Variants in TNFSF4 observed in about 807,000 individuals in gnomAD.
The protein encoded by TNFSF4 is tumor necrosis factor ligand superfamily member 4.
Under a neutral mutation model 7.3 loss-of-function variants are expected in TNFSF4, and 4 were observed. The observed-to-expected ratio is 0.55, with a 90% CI of 0.27 to 1.25. TNFSF4 has a LOEUF of 1.25. Among genes scored for constraint, TNFSF4 ranks in the 50% most tolerant of loss-of-function variants. TNFSF4 has a pLI of 0.12. For missense variants in TNFSF4, 181 were observed against 208.8 expected, an observed-to-expected ratio of 0.87 and a Z score of 0.82; for synonymous variants, 76 against 83.7, an observed-to-expected ratio of 0.91 and a Z score of 0.50.
At chr1:173,337,117 T>C in the TNFSF4 span, among the ~76,000 whole-genome samples, 1 of 152,156 alleles carries the variant, frequency 6.6e-6, no homozygotes, top group African/African-American at 2.4e-5. Context: ...CAGTGACAGA[T>C]AGGAATCCTG....
the TNFSF4 span, among the ~76,000 whole-genome samples, chr1:173,450,454 CAA>C: frequency 1.0e-3 from 155 of 151,922 alleles, no homozygotes; most frequent in Admixed American, 2.6e-3. Flanking sequence ...CCAATAAAAC[CAA>C]AGACATTACA....
At chr1:173,278,652 T>C in the TNFSF4 span, among the ~76,000 whole-genome samples, 1 of 152,088 alleles carries the variant, frequency 6.6e-6, no homozygotes, top group Non-Finnish European at 1.5e-5. Flanking sequence ...AGTGATTATA[T>C]AAACATAGAA....
the TNFSF4 span, among the ~76,000 whole-genome samples, chr1:173,424,064 A>G: frequency 6.6e-6 from 1 of 152,162 alleles, no homozygotes; most frequent in African/African-American, 2.4e-5. Flanking sequence ...ACACTCCCTC[A>G]AGCTCTTTTG....
the TNFSF4 span, among the ~76,000 whole-genome samples, chr1:173,392,141 G>A: frequency 6.6e-6 from 1 of 152,132 alleles, no homozygotes. Flanking sequence ...CCTCAGAGTC[G>A]AAAGGCCTGC....
the TNFSF4 span, among the ~76,000 whole-genome samples, chr1:173,353,664 C>CG: frequency 6.6e-6 from 1 of 152,130 alleles, no homozygotes; most frequent in Non-Finnish European, 1.5e-5. Context: ...TTAGACAAAG[C>CG]AACTCTCTTT....
chr1:173,252,680 A>G, the TNFSF4 span, among the ~76,000 whole-genome samples: 1 of 152,184 alleles, frequency 6.6e-6, no homozygotes, highest in Admixed American at 6.5e-5. Context: ...GTGGTTCATA[A>G]CTGTGAAGAA....
the TNFSF4 span, among the ~76,000 whole-genome samples, chr1:173,304,632 A>G: frequency 4.6e-5 from 7 of 151,960 alleles, no homozygotes; most frequent in Admixed American, 1.3e-4. Flanking sequence ...CAAAGAAACC[A>G]ACCTCCACTT....
the TNFSF4 span, among the ~76,000 whole-genome samples, chr1:173,354,296 C>T: frequency 6.6e-6 from 1 of 152,072 alleles, no homozygotes; most frequent in Non-Finnish European, 1.5e-5. Context: ...ACCAGGAAGA[C>T]ATTGAATCTC....
At chr1:173,266,355 C>A in the TNFSF4 span, among the ~76,000 whole-genome samples, 1 of 151,988 alleles carries the variant, frequency 6.6e-6, no homozygotes, top group African/African-American at 2.4e-5. Context: ...AAATACAGCC[C>A]AACTCTGTAG....
chr1:173,236,638 G>A, the TNFSF4 span, among the ~76,000 whole-genome samples: 11,884 of 152,082 alleles, frequency 0.078, 903 homozygotes, highest in African/African-American at 0.2. Flanking sequence ...TATACACACT[G>A]GGCTATTATC....
At chr1:173,308,035 A>G in the TNFSF4 span, among the ~76,000 whole-genome samples, 1 of 151,884 alleles carries the variant, frequency 6.6e-6, no homozygotes, top group Admixed American at 6.6e-5. Context: ...GCCTTGTTCA[A>G]GTCTCTTGCA....
the TNFSF4 span, among the ~76,000 whole-genome samples, chr1:173,235,323 A>T: frequency 6.6e-6 from 1 of 152,208 alleles, no homozygotes; most frequent in East Asian, 1.9e-4. Context: ...AAAAAGGGGG[A>T]CCTTTCAACA....
the TNFSF4 span, among the ~76,000 whole-genome samples, chr1:173,446,587 T>C: frequency 3.3e-5 from 5 of 152,278 alleles, no homozygotes; most frequent in Non-Finnish European, 4.4e-5. Flanking sequence ...GTCAGTGGAC[T>C]GGGAGAGGCA....
rs114113193 is a variant in TNFSF4 at position 173,194,738 on chromosome 1, T to C, written c.154-6169A>G. On this transcript the variant is annotated intron_variant, in intron 1 of 2. Coordinates refer to ENST00000281834, the MANE Select transcript of TNFSF4 (RefSeq NM_003326.5). ...TTTCTACAAAAAAATAAAAAAATAATAAAAAAAATAGCTGGACATGGTGGT... is the reference window on the plus strand; with the variant it reads ...TTTCTACAAAAAAATAAAAAAATAACAAAAAAAATAGCTGGACATGGTGGT... Among the ~76,000 whole-genome samples the C allele has an allele frequency of 7.3e-3, 1,106 of 150,792 alleles. 9 individuals are homozygous for C. The highest frequency in any genetic ancestry group is 0.025 in the African/African-American group (1,021 of 41,094).
the TNFSF4 span, among the ~76,000 whole-genome samples, chr1:173,332,218 C>T: frequency 6.6e-6 from 1 of 152,190 alleles, no homozygotes; most frequent in South Asian, 2.1e-4. Context: ...TGCTCTCACT[C>T]AGCAAGAGTG....
chr1:173,272,437 T>A, the TNFSF4 span, among the ~76,000 whole-genome samples: 1 of 152,082 alleles, frequency 6.6e-6, no homozygotes, highest in Non-Finnish European at 1.5e-5. Flanking sequence ...TTAGAGATTT[T>A]TTTTAAGATT....
At chr1:173,393,176 G>A in the TNFSF4 span, among the ~76,000 whole-genome samples, 152 of 152,284 alleles carry the variant, frequency 1.0e-3, no homozygotes, top group African/African-American at 3.4e-3. Flanking sequence ...CCAGATGTGG[G>A]AGCAAAATAC....
the TNFSF4 span, among the ~76,000 whole-genome samples, chr1:173,330,261 T>C: frequency 6.7e-6 from 1 of 148,196 alleles, no homozygotes; most frequent in African/African-American, 2.5e-5. Context: ...CTTTCACTAA[T>C]TTTTATTATT....
the TNFSF4 span, among the ~76,000 whole-genome samples, chr1:173,294,378 C>T: frequency 6.6e-6 from 1 of 151,964 alleles, no homozygotes; most frequent in Non-Finnish European, 1.5e-5. Context: ...TGCACATTCT[C>T]ACTTACGAGT....
Sources: gnomAD v4.1 joint callset for allele counts (sites outside exome capture counted in the v4.1 genomes callset) on GRCh38, gnomAD v4.1.1 for gene constraint, MANE v1.5 for transcripts, NCBI Gene and HGNC (gene_info 2026-07-23, HGNC 2026-07-21) for gene names.